The following YTHDC1 variants were observed in gnomAD, a reference collection of about 807,000 sequenced individuals.
The protein encoded by YTHDC1 is YTH N6-methyladenosine RNA binding protein C1, also known as YTH domain-containing protein 1.
YTHDC1 carries 12 observed loss-of-function variants against 107.0 expected under a neutral mutation model. That is an observed-to-expected ratio of 0.11 (90% CI 0.07 to 0.18). The LOEUF is 0.18. Ranked by LOEUF, YTHDC1 falls within the 10% of genes least tolerant of loss-of-function variation. The pLI, the probability that YTHDC1 is intolerant of heterozygous loss-of-function variation, is 1.00. For synonymous variants in YTHDC1, 280 were observed against 289.5 expected, an observed-to-expected ratio of 0.97 and a Z score of 0.33; for missense variants, 635 against 898.8, an observed-to-expected ratio of 0.71 and a Z score of 3.75.
chr4:68,342,947 A>T (rs577259588), intron 1 of YTHDC1, among the ~76,000 whole-genome samples: 1 of 152,274 alleles, frequency 6.6e-6, no homozygotes, highest in African/African-American at 2.4e-5. Flanking sequence ...TTTGTCCTGA[A>T]ATTTAACATT....
At chr4:68,336,365 T>C (rs1724162607) in intron 4 of YTHDC1, among the ~76,000 whole-genome samples, 1 of 152,058 alleles carries the variant, frequency 6.6e-6, no homozygotes, top group South Asian at 2.1e-4. Context: ...TCCAACTACG[T>C]AACAGTCATA....
At chr4:68,320,093 C>T (rs754168730) in intron 12 of YTHDC1, 30 bp downstream of exon 12, 6 of 1,525,186 alleles carry the variant, frequency 3.9e-6, no homozygotes, top group Non-Finnish European at 5.3e-6. Context: ...AATTTGAAAT[C>T]AAATATCTGC....
chr4:68,332,253 G>T, intron 6 of YTHDC1, 56 bp from the exon 7 acceptor site: 1 of 1,211,846 alleles, frequency 8.3e-7, no homozygotes, highest in Non-Finnish European at 1.2e-6. Context: ...ACACAAAGGG[G>T]TCAAAACTGT....
In YTHDC1 at chr4:68,332,162, C is replaced by T. The variant is rs1723655137; in HGVS notation, c.1063G>A (p.Ala355Thr). 1 of 1,608,170 alleles carries T rather than the reference C, an allele frequency of 6.2e-7. No individual in the cohort carries two copies. Among genetic ancestry groups the T allele is most frequent in the Non-Finnish European group, 8.5e-7 (1 of 1,177,182 alleles). The change falls in exon 7 of 17, where the codon GCA becomes ACA. Residue 355 changes from alanine to threonine, a missense_variant. Physicochemically the swap from Ala to Thr is moderately conservative, Grantham distance 58. Coordinates refer to ENST00000344157, the MANE Select transcript of YTHDC1 (RefSeq NM_001031732.4). Reference protein sequence around the residue: ...TSKLKYVLQDARFFLIKSNNH... With the variant: ...TSKLKYVLQDTRFFLIKSNNH... The stretch of plus-strand genomic sequence containing the variant: ...TTACTCTTTATGAGGAAAAATCTTG[C>T]ATCTTGAAGCACATATTTGAGTTTA...
At position 68,349,962 on chromosome 4, in the gene YTHDC1, T is replaced by C. The variant is rs1209827301; in HGVS notation, c.-209A>G. ...CCTTTCACTCCAGCATCCAGCGGCC[T>C]AGGCCCAGCCTTCTCGTTAGGGCTC... is the stretch of plus-strand genomic sequence containing the variant. On this transcript the variant is annotated 5_prime_UTR_variant, in exon 1 of 17. Coordinates refer to ENST00000344157, the MANE Select transcript of YTHDC1 (RefSeq NM_001031732.4). The C allele has an allele frequency of 8.8e-6, 6 of 683,778 alleles. No homozygotes were observed. Among genetic ancestry groups the C allele is most frequent in the Non-Finnish European group, 1.5e-5 (6 of 405,504 alleles). 42.4% of individuals were successfully genotyped at this position (683,778 alleles called of 1,614,324 possible). A position where few individuals can be genotyped will look rare whatever the true frequency, so the allele number is the denominator to read the frequency against.
rs751206840 is a variant in YTHDC1 at position 68,349,764 on chromosome 4, C to A, written c.-11G>T. 1.9e-6 allele frequency: 3 copies of A among 1,612,746 alleles called. No individual in the cohort carries two copies. In the African/African-American group the frequency reaches 4.0e-5, roughly 22 times the overall value. Reference sequence around the variant, plus strand: ...ACTGTCAGCCGCCATGGCTCCCCTTCGGTTTCCGCCGCTGCCACCGCCGCC... The same window carrying A: ...ACTGTCAGCCGCCATGGCTCCCCTTAGGTTTCCGCCGCTGCCACCGCCGCC... On this transcript the variant is annotated 5_prime_UTR_variant, in exon 1 of 17. Transcript: ENST00000344157.
chr4:68,335,197 G>GA (rs1724018245), intron 4 of YTHDC1, among the ~76,000 whole-genome samples: 1 of 152,222 alleles, frequency 6.6e-6, no homozygotes, highest in African/African-American at 2.4e-5. Context: ...TCATGACAGA[G>GA]AAACTCAACT....
chr4:68,346,412 T>C (rs1725448627), intron 1 of YTHDC1, among the ~76,000 whole-genome samples: 1 of 152,118 alleles, frequency 6.6e-6, no homozygotes, highest in Non-Finnish European at 1.5e-5. Flanking sequence ...ATATATACAG[T>C]AGTCCCTCAC....
rs149175981 is a variant in YTHDC1, at chr4:68,338,495, T to TA, written c.29-112dup. 7.3e-3 allele frequency: 4,808 copies of TA among 657,162 alleles called. 320 individuals carry two copies. In the East Asian group the frequency reaches 0.13, roughly 18 times the overall value. The allele number at this position is 657,162 out of a possible 1,614,324, so 40.7% of individuals were successfully genotyped here. ...GCGCCTAGGAGCTTTTACTTTTATA[T>TA]AAAAAGCTTTACTTTTATTTCAGAA... is the stretch of plus-strand genomic sequence containing the variant. On this transcript the variant is annotated intron_variant, in intron 1 of 16. Transcript: ENST00000344157.
chr4:68,332,931 C>A, intron 5 of YTHDC1, 84 bp from the exon 6 acceptor site: 2 of 1,203,142 alleles, frequency 1.7e-6, no homozygotes, highest in Non-Finnish European at 1.2e-6. Flanking sequence ...ACATAAAATT[C>A]TCATTCAAGA....
chr4:68,332,993 G>T, intron 5 of YTHDC1, 146 bp from the exon 6 acceptor site: 3 of 675,692 alleles, frequency 4.4e-6, no homozygotes, highest in Non-Finnish European at 7.3e-6. Flanking sequence ...TTCTCAATGT[G>T]TACGAGTGTT....
intron 13 of YTHDC1, 27 bp from the exon 14 acceptor site, chr4:68,318,756 A>G: frequency 6.2e-7 from 1 of 1,614,158 alleles, no homozygotes; most frequent in Non-Finnish European, 8.5e-7. Context: ...TTGTGAAACT[A>G]AATTCAGGTA....
intron 9 of YTHDC1, among the ~76,000 whole-genome samples, chr4:68,324,970 C>T (rs1305538276): frequency 7.2e-6 from 1 of 138,224 alleles, no homozygotes; most frequent in East Asian, 2.1e-4. Flanking sequence ...CACAATGTCA[C>T]ATGAATACAA....
intron 1 of YTHDC1, 96 bp downstream of exon 1, chr4:68,349,630 A>AGGCCCCCCCCCCCCCCCCCC: frequency 6.5e-6 from 1 of 153,366 alleles, no homozygotes; most frequent in South Asian, 4.4e-5. Context: ...TAACCTCCCC[A>AGGCCCCCCCCCCCCCCCCCC]ACCCCCACCC....
intron 4 of YTHDC1, among the ~76,000 whole-genome samples, chr4:68,334,132 T>C (rs1723896426): frequency 6.6e-6 from 1 of 152,156 alleles, no homozygotes; most frequent in Admixed American, 6.5e-5. Context: ...TTTGTAAGCA[T>C]ATACATGAGG....
intron 15 of YTHDC1, among the ~76,000 whole-genome samples, chr4:68,318,233 G>T (rs113429410): frequency 0.053 from 8,095 of 152,200 alleles, 268 homozygotes; most frequent in Non-Finnish European, 0.077. Context: ...CGAGTAGCTG[G>T]GAGTACAGGC....
intron 9 of YTHDC1, among the ~76,000 whole-genome samples, chr4:68,324,943 G>A (rs980954437): frequency 2.6e-5 from 4 of 152,104 alleles, no homozygotes; most frequent in Non-Finnish European, 5.9e-5. Context: ...TATTTTTATA[G>A]TTCTTTGTCA....
At chr4:68,345,497 C>T (rs1202441590) in intron 1 of YTHDC1, among the ~76,000 whole-genome samples, 4 of 152,048 alleles carry the variant, frequency 2.6e-5, no homozygotes, top group Non-Finnish European at 5.9e-5. Context: ...TTGTAATGTA[C>T]GTTGTACATT....
chr4:68,337,469 G>T lies in YTHDC1; in HGVS notation c.460-19C>A. ...CAATTCTCTGATGTTTAAAGAAAAA[G>T]GGAATCAGCAGTCATATAAAAGACA... is the stretch of plus-strand genomic sequence containing the variant. On this transcript the variant is annotated intron_variant, in intron 3 of 16. Transcript: ENST00000344157. 1 of 1,610,278 alleles carries T rather than the reference G, an allele frequency of 6.2e-7. No homozygotes were observed. The highest frequency in any genetic ancestry group is 8.5e-7 in the Non-Finnish European group (1 of 1,177,744).
Sources: allele counts gnomAD v4.1 joint callset (sites outside exome capture counted in the v4.1 genomes callset), GRCh38; gene constraint gnomAD v4.1.1; transcripts MANE v1.5; gene names NCBI Gene and HGNC (gene_info 2026-07-23, HGNC 2026-07-21).